The following BAZ1A variants were observed in gnomAD, a reference collection of about 807,000 sequenced individuals.
BAZ1A encodes bromodomain adjacent to zinc finger domain 1A.
In BAZ1A, 50 loss-of-function variants were observed where a neutral mutation model predicts 185.2. That is an observed-to-expected ratio of 0.27 (90% CI 0.22 to 0.34). The LOEUF is 0.34. BAZ1A is among the 10% of genes least tolerant of loss of function. The pLI, the probability that BAZ1A is intolerant of heterozygous loss-of-function variation, is 1.00. For missense variants in BAZ1A, 1,356 were observed against 1,839.9 expected (o/e 0.74, Z 4.81); for synonymous variants, 571 against 615.6 (o/e 0.93, Z 1.07).
At chr14:34,837,095 C>A (rs761779622) in intron 3 of BAZ1A, among the ~76,000 whole-genome samples, 4 of 151,772 alleles carry the variant, frequency 2.6e-5, no homozygotes, top group Non-Finnish European at 5.9e-5. Context: ...TCATTTTTAA[C>A]TGTTCTGAGA....
intron 2 of BAZ1A, among the ~76,000 whole-genome samples, chr14:34,868,630 G>A (rs916921610): frequency 5.3e-5 from 8 of 151,966 alleles, no homozygotes; most frequent in Non-Finnish European, 7.4e-5. Context: ...GTGAAACTCC[G>A]TCTCTAGTAA....
intron 8 of BAZ1A, 93 bp from the exon 9 acceptor site, chr14:34,800,483 T>A: frequency 9.5e-7 from 1 of 1,050,000 alleles, no homozygotes; most frequent in Non-Finnish European, 1.4e-6. Flanking sequence ...TGAAATAATT[T>A]AAAGTTAAAT....
intron 3 of BAZ1A, among the ~76,000 whole-genome samples, chr14:34,837,800 G>A (rs538972294): frequency 5.9e-5 from 9 of 152,162 alleles, no homozygotes; most frequent in Middle Eastern, 3.4e-3. Flanking sequence ...GCTTTGTGCC[G>A]TCCAGCCTAT....
intron 3 of BAZ1A, 32 bp downstream of exon 3, chr14:34,862,012 C>T: frequency 6.2e-7 from 1 of 1,600,198 alleles, no homozygotes; most frequent in Non-Finnish European, 8.5e-7. Flanking sequence ...TGAATATAAA[C>T]TTACCAAGAG....
chr14:34,874,881 T>A lies in BAZ1A; in HGVS notation c.-58-219A>T. 7.5e-6 allele frequency: 2 copies of A among 268,360 alleles called. No individual in the cohort carries two copies. Among genetic ancestry groups the A allele is most frequent in the Non-Finnish European group, 1.4e-5 (2 of 142,198 alleles). The allele number at this position is 268,360 out of a possible 1,614,324, so 16.6% of individuals were successfully genotyped here. A position where few individuals can be genotyped will look rare whatever the true frequency, so the allele number is the denominator to read the frequency against. On this transcript the variant is annotated intron_variant, in intron 1 of 26. Coordinates refer to ENST00000360310, the MANE Select transcript of BAZ1A (RefSeq NM_013448.3). The surrounding 1 kb of genome is among the most constrained non-coding windows in gnomAD (Gnocchi z 4.7). ...GAGCGCGCCCTACCTCCTCTCGTCCTGCCGCCGCCTCACAATGGGGCAGGA... is the reference window on the plus strand; with the variant it reads ...GAGCGCGCCCTACCTCCTCTCGTCCAGCCGCCGCCTCACAATGGGGCAGGA...
At chr14:34,848,885 C>T (rs866895743) in intron 3 of BAZ1A, among the ~76,000 whole-genome samples, 1 of 152,188 alleles carries the variant, frequency 6.6e-6, no homozygotes. Flanking sequence ...AGCTTATTAT[C>T]TTCAAAGAGA....
At chr14:34,839,839 CAAAAAAAA>C (rs60954768) in intron 3 of BAZ1A, among the ~76,000 whole-genome samples, 2 of 106,684 alleles carry the variant, frequency 1.9e-5, no homozygotes, top group Non-Finnish European at 3.7e-5. Context: ...GCCTCTGTTT[CAAAAAAAA>C]AAAAAAAAAA....
chr14:34,760,615 A>G (rs1886482000), intron 24 of BAZ1A, among the ~76,000 whole-genome samples: 1 of 151,838 alleles, frequency 6.6e-6, no homozygotes, highest in Non-Finnish European at 1.5e-5. Flanking sequence ...TTGGGAGGCC[A>G]AGGCAAGGCA....
chr14:34,807,653 G>A (rs1262947091), intron 5 of BAZ1A, 115 bp from the exon 6 acceptor site: 7 of 629,294 alleles, frequency 1.1e-5, no homozygotes, highest in Non-Finnish European at 1.9e-5. Context: ...GGAATCAAAG[G>A]ACACACTTCA....
chr14:34,787,399 TG>T (rs1405750750), intron 12 of BAZ1A, among the ~76,000 whole-genome samples: 1 of 139,444 alleles, frequency 7.2e-6, no homozygotes, highest in Non-Finnish European at 1.6e-5. Flanking sequence ...CAAAAACCAG[TG>T]GGGGCCGGGC....
At chr14:34,762,966 T>C (rs907154849) in intron 23 of BAZ1A, among the ~76,000 whole-genome samples, 10 of 152,224 alleles carry the variant, frequency 6.6e-5, no homozygotes, top group Admixed American at 5.9e-4. Context: ...TTCATTATCA[T>C]TGATACTGAG....
At position 34,787,677 on chromosome 14, in the gene BAZ1A, C is replaced by T. The variant is rs544147042; in HGVS notation, c.1511-1456G>A. Among the ~76,000 whole-genome samples the T allele has an allele frequency of 5.7e-4, 87 of 152,072 alleles. 1 individual carries two copies. Among genetic ancestry groups the T allele is most frequent in the African/African-American group, 1.8e-3 (76 of 41,490 alleles). ...CAGCCTGGGCGACAGAGTTAGACTC[C>T]GTCTCAAAAAAACAAAACAAAACAA... is the stretch of plus-strand genomic sequence containing the variant. On this transcript the variant is annotated intron_variant, in intron 12 of 26. Transcript: ENST00000360310.
chr14:34,793,652 C>T (rs1566565319), intron 11 of BAZ1A, among the ~76,000 whole-genome samples: 1 of 151,790 alleles, frequency 6.6e-6, no homozygotes, highest in Non-Finnish European at 1.5e-5. Flanking sequence ...ACTAAAAATA[C>T]AAAAAAATTG....
At chr14:34,808,916 G>A (rs2041889635) in intron 5 of BAZ1A, among the ~76,000 whole-genome samples, 1 of 152,150 alleles carries the variant, frequency 6.6e-6, no homozygotes, top group African/African-American at 2.4e-5. Context: ...TGATTTTTAA[G>A]TAGTGGCCTT....
In BAZ1A at chr14:34,796,792, G is replaced by A. The variant is rs116787887; in HGVS notation, c.1129-1027C>T. 6.2e-3 allele frequency among the ~76,000 whole-genome samples: 939 copies of A among 152,174 alleles called. 17 individuals carry two copies. Among genetic ancestry groups the A allele is most frequent in the African/African-American group, 0.022 (903 of 41,514 alleles). On this transcript the variant is annotated intron_variant, in intron 9 of 26. Transcript: ENST00000360310. ...ACTTATCAAATTTTCAACATAAAACGCCTAGATAGTTACGGAACTTGCTGT... is the reference window on the plus strand; with the variant it reads ...ACTTATCAAATTTTCAACATAAAACACCTAGATAGTTACGGAACTTGCTGT...
chr14:34,800,980 C>A, intron 8 of BAZ1A, 114 bp downstream of exon 8: 1 of 667,270 alleles, frequency 1.5e-6, no homozygotes, highest in Admixed American at 3.6e-5. Flanking sequence ...AAAATAACTG[C>A]ACTTCAAAAC....
chr14:34,777,047 A>G (rs995168416), intron 17 of BAZ1A, among the ~76,000 whole-genome samples: 1 of 152,228 alleles, frequency 6.6e-6, no homozygotes, highest in African/African-American at 2.4e-5. Context: ...TCATTTCCAT[A>G]CTGGAGAGTG....
Position 34,753,296 on chromosome 14 carries a change from C to T in BAZ1A, c.*212G>A. ...CTGTAAACCAGTACTGTATCCAATA[C>T]ATCTATCAAACTTATTAGATACTGA... On this transcript the variant is annotated 3_prime_UTR_variant, in exon 27 of 27. Transcript: ENST00000360310. 1 of 539,846 alleles carries T rather than the reference C, an allele frequency of 1.9e-6. No homozygotes were observed. The highest frequency in any genetic ancestry group is 3.3e-6 in the Non-Finnish European group (1 of 304,998). 33.4% of individuals were successfully genotyped at this position (539,846 alleles called of 1,614,324 possible).
chr14:34,758,580 G>T, intron 25 of BAZ1A, 124 bp downstream of exon 25: 1 of 1,020,056 alleles, frequency 9.8e-7, no homozygotes, highest in Middle Eastern at 2.7e-4. Flanking sequence ...ACTGTCTCAG[G>T]AAAAAACAAC....
Sources: gnomAD v4.1 joint callset for allele counts (sites outside exome capture counted in the v4.1 genomes callset) on GRCh38, gnomAD v4.1.1 for gene constraint, Gnocchi (gnomAD v3.1) non-coding constraint, MANE v1.5 for transcripts, NCBI Gene and HGNC (gene_info 2026-07-23, HGNC 2026-07-21) for gene names.